The following OLA1 variants were observed in gnomAD, a reference collection of about 807,000 sequenced individuals.
OLA1 encodes the protein Obg like ATPase 1, also known as obg-like ATPase 1.
In OLA1, 14 loss-of-function variants were observed where a neutral mutation model predicts 48.4. That is an observed-to-expected ratio of 0.29 (90% CI 0.19 to 0.45). The LOEUF is 0.45. OLA1 is among the 20% of genes least tolerant of loss of function. The pLI, the probability that OLA1 is intolerant of heterozygous loss-of-function variation, is 1.00. For missense variants in OLA1, 325 were observed against 467.1 expected, an observed-to-expected ratio of 0.70 and a Z score of 2.80; for synonymous variants, 127 against 150.4, an observed-to-expected ratio of 0.84 and a Z score of 1.14.
At chr2:174,095,918 T>G (rs1330360333) in intron 7 of OLA1, among the ~76,000 whole-genome samples, 1 of 152,066 alleles carries the variant, frequency 6.6e-6, no homozygotes, top group Non-Finnish European at 1.5e-5. Flanking sequence ...ACAACAATAT[T>G]ATATAGCAAT....
At chr2:174,222,965 T>C in intron 4 of OLA1, 68 bp downstream of exon 4, 2 of 1,457,122 alleles carry the variant, frequency 1.4e-6, no homozygotes, top group Non-Finnish European at 9.3e-7. Context: ...CTAATTTTAT[T>C]TGTGCACTAA....
chr2:174,179,759 G>A (rs1687492448), intron 4 of OLA1, among the ~76,000 whole-genome samples: 1 of 152,026 alleles, frequency 6.6e-6, no homozygotes, highest in Non-Finnish European at 1.5e-5. Flanking sequence ...TTTTACATCT[G>A]ACACTGTAAG....
intron 4 of OLA1, among the ~76,000 whole-genome samples, chr2:174,207,930 A>T (rs889696535): frequency 6.6e-6 from 1 of 152,186 alleles, no homozygotes; most frequent in Non-Finnish European, 1.5e-5. Context: ...CAGAAAATAC[A>T]GTATTGGCCC....
chr2:174,108,744 T>C (rs1685569458), intron 7 of OLA1, among the ~76,000 whole-genome samples: 1 of 152,142 alleles, frequency 6.6e-6, no homozygotes, highest in South Asian at 2.1e-4. Flanking sequence ...TGTCTAGCCA[T>C]CCAAGGGAAT....
intron 4 of OLA1, among the ~76,000 whole-genome samples, chr2:174,171,584 C>A (rs1338225274): frequency 1.3e-5 from 2 of 152,116 alleles, no homozygotes; most frequent in Non-Finnish European, 2.9e-5. Flanking sequence ...AAAATATAAC[C>A]TATCAACGTA....
chr2:174,120,106 A>C (rs1685880157), intron 7 of OLA1, among the ~76,000 whole-genome samples: 1 of 152,108 alleles, frequency 6.6e-6, no homozygotes, highest in African/African-American at 2.4e-5. Flanking sequence ...AATGAAACAT[A>C]ATTGATGGCT....
chr2:174,237,107 C>T (rs1212626822), intron 2 of OLA1, among the ~76,000 whole-genome samples: 3 of 152,220 alleles, frequency 2.0e-5, no homozygotes, highest in African/African-American at 4.8e-5. Flanking sequence ...AATACAAATA[C>T]ACTGTATAGC....
At chr2:174,147,184 T>C (rs1239549504) in intron 4 of OLA1, among the ~76,000 whole-genome samples, 1 of 152,140 alleles carries the variant, frequency 6.6e-6, no homozygotes. Flanking sequence ...CCCAGCACTT[T>C]GGGAGGCCGA....
At chr2:174,198,821 T>C (rs1245007583) in intron 4 of OLA1, among the ~76,000 whole-genome samples, 3 of 152,200 alleles carry the variant, frequency 2.0e-5, no homozygotes, top group Non-Finnish European at 4.4e-5. Context: ...TTTACATATA[T>C]GTAATTTCAT....
chr2:174,166,122 T>TAA lies in OLA1; in HGVS notation c.374-24124_374-24123dup, dbSNP rs56760276. On this transcript the variant is annotated intron_variant, in intron 4 of 10. Coordinates refer to ENST00000284719, the MANE Select transcript of OLA1 (RefSeq NM_013341.5). ...CCTGGGCAACAGAGTGAGACTCCAT[T>TAA]AAAAAAAAAAAAAAAACCTCAAATG... 1.9e-3 allele frequency among the ~76,000 whole-genome samples: 274 copies of TAA among 143,514 alleles called. 1 individual carries two copies. In the Middle Eastern group the frequency reaches 0.029, roughly 15 times the overall value. 94.2% of individuals were successfully genotyped at this position (143,514 alleles called of 152,430 possible). A position where few individuals can be genotyped will look rare whatever the true frequency, so the allele number is the denominator to read the frequency against.
chr2:174,182,934 G>A (rs1250553932), intron 4 of OLA1, among the ~76,000 whole-genome samples: 3 of 152,172 alleles, frequency 2.0e-5, no homozygotes, highest in Non-Finnish European at 4.4e-5. Flanking sequence ...ATAAATGCCA[G>A]AATCTCACTG....
chr2:174,090,500 C>T (rs964259612), intron 7 of OLA1, among the ~76,000 whole-genome samples: 4 of 152,178 alleles, frequency 2.6e-5, no homozygotes, highest in Non-Finnish European at 5.9e-5. Flanking sequence ...GCATGTGAAC[C>T]AGTTCTAATC....
chr2:174,217,367 T>C (rs1688385787), intron 4 of OLA1, among the ~76,000 whole-genome samples: 1 of 152,112 alleles, frequency 6.6e-6, no homozygotes, highest in Non-Finnish European at 1.5e-5. Flanking sequence ...CCCAGCCCTA[T>C]TTTCATTTTT....
intron 4 of OLA1, among the ~76,000 whole-genome samples, chr2:174,170,015 C>T (rs1279079787): frequency 6.6e-6 from 1 of 152,112 alleles, no homozygotes; most frequent in Non-Finnish European, 1.5e-5. Context: ...CTATATTTTA[C>T]ATGAAGTGAT....
intron 4 of OLA1, among the ~76,000 whole-genome samples, chr2:174,170,321 A>G (rs1687267507): frequency 6.6e-6 from 1 of 152,256 alleles, no homozygotes; most frequent in African/African-American, 2.4e-5. Flanking sequence ...TTAAGGAGGT[A>G]TATTGTAATC....
At chr2:174,134,153 T>C (rs978576468) in intron 5 of OLA1, among the ~76,000 whole-genome samples, 4 of 152,236 alleles carry the variant, frequency 2.6e-5, no homozygotes, top group Admixed American at 6.5e-5. Flanking sequence ...TGAACATACA[T>C]GCACATATAT....
At chr2:174,234,476 T>C (rs903860042) in intron 2 of OLA1, among the ~76,000 whole-genome samples, 5 of 152,110 alleles carry the variant, frequency 3.3e-5, no homozygotes, top group African/African-American at 9.7e-5. Flanking sequence ...ACTTTCTTAT[T>C]TTTTGGAGAT....
chr2:174,221,591 G>T (rs773547408), intron 4 of OLA1, among the ~76,000 whole-genome samples: 1 of 151,940 alleles, frequency 6.6e-6, no homozygotes, highest in Non-Finnish European at 1.5e-5. Flanking sequence ...CTCTTGCCCC[G>T]ATCCTTCTGT....
Position 174,233,235 on chromosome 2 carries a change from A to T in OLA1, c.102-3784T>A, listed in dbSNP as rs1688770856. 2.0e-5 allele frequency among the ~76,000 whole-genome samples: 3 copies of T among 152,176 alleles called. No individual in the cohort carries two copies. In the South Asian group the frequency reaches 6.2e-4, roughly 31 times the overall value. On this transcript the variant is annotated intron_variant, in intron 2 of 10. Transcript: ENST00000284719. ...TTTCCAGGGGCTGGGGGGAAAGAGA[A>T]ATGGGAAGTTGTTCAATGGGTATAC...
Sources: allele counts gnomAD v4.1 joint callset (sites outside exome capture counted in the v4.1 genomes callset), GRCh38; gene constraint gnomAD v4.1.1; transcripts MANE v1.5; gene names NCBI Gene and HGNC (gene_info 2026-07-23, HGNC 2026-07-21).